PCDHGB1: variants seen among roughly 807,000 people sequenced by gnomAD.
PCDHGB1 encodes protocadherin gamma-B1.
PCDHGB1 carries 34 observed loss-of-function variants against 56.6 expected under a neutral mutation model. The ratio of observed to expected loss-of-function variants is 0.60; its 90% CI spans 0.46 to 0.80. The LOEUF (loss-of-function observed/expected upper bound fraction) is 0.80, where lower values mean the gene tolerates loss of function less well. Ranked by LOEUF, PCDHGB1 falls within the 30% of genes least tolerant of loss-of-function variation. The pLI, the probability that PCDHGB1 is intolerant of heterozygous loss-of-function variation, is 0.00. For missense variants in PCDHGB1, 1,278 were observed against 1,204.6 expected (o/e 1.06, Z -0.90); for synonymous variants, 561 against 505.9 (o/e 1.11, Z -1.46).
chr5:141,487,356 C>T lies in PCDHGB1; in HGVS notation c.2410-7451C>T. 6.2e-7 allele frequency: 1 copy of T among 1,614,220 alleles called. No individual in the cohort carries two copies. The highest frequency in any genetic ancestry group is 8.5e-7 in the Non-Finnish European group (1 of 1,180,042). ...GCCTGTGGAGTCACATGCTTTCCTG[C>T]TGGCACCTGTGCCTGTCTCACCAGA... On this transcript the variant is annotated intron_variant, in intron 1 of 3. Transcript: ENST00000523390. This position sits in a 1 kb window ranked among gnomAD's most constrained non-coding sequence, Gnocchi z 5.0.
intron 1 of PCDHGB1, among the ~76,000 whole-genome samples, chr5:141,407,049 C>T (rs1483952329): frequency 6.6e-6 from 1 of 152,162 alleles, no homozygotes. Context: ...TCCATAGATA[C>T]ACTGATGACT....
intron 1 of PCDHGB1, chr5:141,394,967 C>T: frequency 6.2e-7 from 1 of 1,613,950 alleles, no homozygotes; most frequent in Non-Finnish European, 8.5e-7. Flanking sequence ...GGCTGAGGCG[C>T]TGGCACAAGT....
intron 1 of PCDHGB1, among the ~76,000 whole-genome samples, chr5:141,446,182 G>A (rs1411996595): frequency 6.6e-6 from 1 of 152,118 alleles, no homozygotes; most frequent in African/African-American, 2.4e-5. Flanking sequence ...GGGGTGTTTT[G>A]TTTATTATTA....
Position 141,491,895 on chromosome 5 carries a change from A to G in PCDHGB1, c.2410-2912A>G. On this transcript the variant is annotated intron_variant, in intron 1 of 3. Transcript: ENST00000523390. This position sits in a 1 kb window ranked among gnomAD's most constrained non-coding sequence, Gnocchi z 6.9. Reference sequence around the variant, plus strand: ...CCGATTAAGGGATGGGGCTCCGAGCACCGGGGGTGGTGGCGACTGTGGGCG... The same window carrying G: ...CCGATTAAGGGATGGGGCTCCGAGCGCCGGGGGTGGTGGCGACTGTGGGCG... 7.0e-7 allele frequency: 1 copy of G among 1,434,306 alleles called. No homozygotes were observed. The highest frequency in any genetic ancestry group is 9.2e-7 in the Non-Finnish European group (1 of 1,084,904). 88.8% of individuals were successfully genotyped at this position (1,434,306 alleles called of 1,614,324 possible). A position where few individuals can be genotyped will look rare whatever the true frequency, so the allele number is the denominator to read the frequency against.
intron 1 of PCDHGB1, chr5:141,441,868 C>A: frequency 3.0e-6 from 1 of 338,212 alleles, no homozygotes; most frequent in Non-Finnish European, 5.8e-6. Flanking sequence ...CGCCGCGGAG[C>A]CTGGCTACCT....
chr5:141,478,179 A>C, intron 1 of PCDHGB1: 1 of 1,613,996 alleles, frequency 6.2e-7, no homozygotes, highest in Non-Finnish European at 8.5e-7. Context: ...GAGCAGAAAA[A>C]AAATCTCACC....
At position 141,352,512 on chromosome 5, in the gene PCDHGB1, G is replaced by A; in HGVS notation, c.2252G>A (p.Cys751Tyr). The change falls in exon 1 of 4, where the codon TGT becomes TAT. Residue 751 changes from cysteine (C) to tyrosine (Y), a missense_variant. By Grantham distance (194) the Cys-to-Tyr change is radical. Transcript: ENST00000523390. ...ACTTTGCCCTATTCCTACAATCTAT[G>A]TATTGCCTCTCATTCTGCAAAGACA... ...EGTLPYSYNLCIASHSAKTEF... is the reference protein window; with the variant it reads ...EGTLPYSYNLYIASHSAKTEF... 4.3e-6 allele frequency: 7 copies of A among 1,614,006 alleles called. No individual in the cohort carries two copies. The highest frequency in any genetic ancestry group is 5.9e-6 in the Non-Finnish European group (7 of 1,179,892).
At chr5:141,418,665 A>T in intron 1 of PCDHGB1, 1 of 1,614,070 alleles carries the variant, frequency 6.2e-7, no homozygotes, top group Non-Finnish European at 8.5e-7. Context: ...GCCACTGACC[A>T]GGACGAGGGC....
intron 2 of PCDHGB1, among the ~76,000 whole-genome samples, chr5:141,500,893 A>G (rs1393294152): frequency 1.1e-5 from 1 of 94,848 alleles, no homozygotes; most frequent in Non-Finnish European, 2.0e-5. Context: ...TTTTTTTGAG[A>G]CAGTCTCGCT....
intron 1 of PCDHGB1, chr5:141,395,206 A>G (rs773754361): frequency 1.2e-6 from 2 of 1,613,736 alleles, no homozygotes; most frequent in South Asian, 1.1e-5. Context: ...GTAGATTTTC[A>G]TGAATATAAG....
At position 141,365,321 on chromosome 5, in the gene PCDHGB1, G is replaced by T. The variant is rs552296703; in HGVS notation, c.2409+12652G>T. ...GGATGGAGGCGCTCTTGTTGCCAGC[G>T]CTAAGGTGGTGGTCACAGTACAGGA... On this transcript the variant is annotated intron_variant, in intron 1 of 3. Transcript: ENST00000523390. 6.8e-6 allele frequency: 11 copies of T among 1,613,946 alleles called. No homozygotes were observed. In the African/African-American group the frequency reaches 1.3e-4, roughly 20 times the overall value.
At chr5:141,368,030 G>A (rs1323866640) in intron 1 of PCDHGB1, among the ~76,000 whole-genome samples, 1 of 152,122 alleles carries the variant, frequency 6.6e-6, no homozygotes. Context: ...TCAAATTCCA[G>A]GAGGATGTGT....
Position 141,477,012 on chromosome 5 carries a change from T to C in PCDHGB1, c.2410-17795T>C. The C allele has an allele frequency of 6.2e-7, 1 of 1,614,186 alleles. No homozygotes were observed. Among genetic ancestry groups the C allele is most frequent in the Non-Finnish European group, 8.5e-7 (1 of 1,180,026 alleles). On this transcript the variant is annotated intron_variant, in intron 1 of 3. Coordinates refer to ENST00000523390, the MANE Select transcript of PCDHGB1 (RefSeq NM_018922.3). The surrounding 1 kb of genome is among the most constrained non-coding windows in gnomAD (Gnocchi z 4.9). The stretch of plus-strand genomic sequence containing the variant: ...GTGCGGCAACTATTCGCCTTAGACC[T>C]TGTAACCGGGATGCTGACAATCAAG...
At chr5:141,414,414 C>T (rs376404716) in intron 1 of PCDHGB1, 4 of 1,613,830 alleles carry the variant, frequency 2.5e-6, no homozygotes, top group South Asian at 1.1e-5. Context: ...TACACAGAGC[C>T]CTTGACAGGG....
At position 141,501,332 on chromosome 5, in the gene PCDHGB1, CA is replaced by C. The variant is rs1257793029; in HGVS notation, c.2469-4060del. 1.8e-3 allele frequency among the ~76,000 whole-genome samples: 265 copies of C among 149,784 alleles called. 1 individual carries two copies. The highest frequency in any genetic ancestry group is 5.2e-3 in the African/African-American group (209 of 40,512). On this transcript the variant is annotated intron_variant, in intron 2 of 3. Transcript: ENST00000523390. Reference sequence around the variant, plus strand: ...ACACACACACACACACACACACACACACCCCAAACTCAATAGGGCAAGAACC... The same window carrying C: ...ACACACACACACACACACACACACACCCCCAAACTCAATAGGGCAAGAACC...
In PCDHGB1 at chr5:141,400,695, G is replaced by A. The variant is rs187552551; in HGVS notation, c.2409+48026G>A. On this transcript the variant is annotated intron_variant, in intron 1 of 3. Transcript: ENST00000523390. The stretch of plus-strand genomic sequence containing the variant: ...GCAGTAAATTGTGAGTTTTTATGTC[G>A]CATAAAAGAAGTAGCCTTATAGATT... 1.8e-5 allele frequency: 14 copies of A among 759,510 alleles called. No homozygotes were observed. The Admixed American group carries it at 4.0e-4, about 22-fold the overall frequency. The allele number at this position is 759,510 out of a possible 1,614,324, so 47.0% of individuals were successfully genotyped here.
chr5:141,421,812 A>T, intron 1 of PCDHGB1: 1 of 1,613,822 alleles, frequency 6.2e-7, no homozygotes, highest in Non-Finnish European at 8.5e-7. Context: ...ATCCAGAGCT[A>T]GTACTGGAGG....
intron 1 of PCDHGB1, among the ~76,000 whole-genome samples, chr5:141,359,198 A>G (rs1350534068): frequency 1.3e-5 from 2 of 152,176 alleles, no homozygotes; most frequent in Non-Finnish European, 2.9e-5. Flanking sequence ...ATAACAAGTG[A>G]ATGTTGAGAG....
chr5:141,405,835 A>C (rs2094724459), intron 1 of PCDHGB1, among the ~76,000 whole-genome samples: 1 of 152,178 alleles, frequency 6.6e-6, no homozygotes, highest in African/African-American at 2.4e-5. Flanking sequence ...AGGTAGTATA[A>C]GTTGATATCA....
Sources: gnomAD v4.1 joint callset for allele counts (sites outside exome capture counted in the v4.1 genomes callset) on GRCh38, gnomAD v4.1.1 for gene constraint, Gnocchi (gnomAD v3.1) non-coding constraint, MANE v1.5 for transcripts, NCBI Gene and HGNC (gene_info 2026-07-23, HGNC 2026-07-21) for gene names.